USP4: variants seen among roughly 807,000 people sequenced by gnomAD.
USP4 encodes the protein ubiquitin specific peptidase 4.
USP4 carries 72 observed loss-of-function variants against 118.2 expected under a neutral mutation model. The ratio of observed to expected loss-of-function variants is 0.61; its 90% CI spans 0.50 to 0.74. The LOEUF (loss-of-function observed/expected upper bound fraction) is 0.74, where lower values mean the gene tolerates loss of function less well. Among genes scored for constraint, USP4 ranks in the 30% least tolerant of loss-of-function variants. The pLI is 0.00. For missense variants in USP4, 1,037 were observed against 1,185.7 expected (o/e 0.87, Z 1.84); for synonymous variants, 415 against 440.4 (o/e 0.94, Z 0.72).
chr3:49,304,576 G>T (rs1339642044), intron 9 of USP4, among the ~76,000 whole-genome samples: 2 of 152,106 alleles, frequency 1.3e-5, no homozygotes, highest in South Asian at 4.1e-4. Flanking sequence ...GCCTTCAGAT[G>T]ATACTAGAAA....
intron 16 of USP4, among the ~76,000 whole-genome samples, chr3:49,285,808 T>G (rs1212885567): frequency 1.3e-5 from 2 of 152,226 alleles, no homozygotes; most frequent in East Asian, 3.8e-4. Context: ...GAAATGTTGC[T>G]GCCAAGGGTG....
intron 1 of USP4, among the ~76,000 whole-genome samples, chr3:49,337,033 C>T (rs2047674852): frequency 6.6e-6 from 1 of 151,938 alleles, no homozygotes; most frequent in African/African-American, 2.4e-5. Context: ...ACCTGTAATC[C>T]CAGCACTTTG....
chr3:49,332,299 CAT>C (rs1559481747), intron 2 of USP4, among the ~76,000 whole-genome samples: 1 of 151,738 alleles, frequency 6.6e-6, no homozygotes, highest in Non-Finnish European at 1.5e-5. Flanking sequence ...AACAAACAAA[CAT>C]ATAAAAATCA....
intron 15 of USP4, 36 bp downstream of exon 15, chr3:49,292,474 G>T: frequency 7.5e-7 from 1 of 1,341,634 alleles, no homozygotes; most frequent in South Asian, 1.4e-5. Context: ...GGAGGTATTT[G>T]GTCAGTCACA....
At position 49,311,601 on chromosome 3, in the gene USP4, C is replaced by G. The variant is rs753458871; in HGVS notation, c.749G>C (p.Ser250Thr). The G allele has an allele frequency of 1.1e-5, 18 of 1,613,902 alleles. No individual in the cohort carries two copies. The East Asian group carries it at 2.5e-4, about 22-fold the overall frequency. ...NFTTSPKSSA[S>T]PYSSVSASLI... ...AGAGGCAGACACTGAGGAATAGGGA[C>G]TTGCTGATGATTTTGGAGAGGTAGT... The change falls in exon 7 of 22, where the codon AGT becomes ACT. Residue 250 changes from serine to threonine, a missense_variant. Coordinates refer to ENST00000265560, the MANE Select transcript of USP4 (RefSeq NM_003363.4).
intron 8 of USP4, among the ~76,000 whole-genome samples, chr3:49,306,981 T>C (rs1292312191): frequency 1.3e-5 from 2 of 151,500 alleles, no homozygotes; most frequent in African/African-American, 4.8e-5. Context: ...ATGGGGTTTC[T>C]CCATGTTGGT....
At chr3:49,284,802 A>G in intron 17 of USP4, 47 bp downstream of exon 17, 1 of 1,558,812 alleles carries the variant, frequency 6.4e-7, no homozygotes, top group Non-Finnish European at 8.8e-7. Context: ...CCACATCCAG[A>G]GCAGAAACCA....
intron 13 of USP4, 116 bp from the exon 14 acceptor site, chr3:49,294,714 G>C: frequency 1.0e-6 from 1 of 994,064 alleles, no homozygotes; most frequent in South Asian, 1.7e-5. Context: ...GCATATTTGA[G>C]TAGAAAAGGT....
chr3:49,277,823 T>A lies in USP4; in HGVS notation c.*470A>T, dbSNP rs899282852. On this transcript the variant is annotated 3_prime_UTR_variant, in exon 22 of 22. Transcript: ENST00000265560. Reference sequence around the variant, plus strand: ...TCAGAAAATTATAAACCCATATCAGTGCACATAGCGAGGGAAAGGGGAGTT... The same window carrying A: ...TCAGAAAATTATAAACCCATATCAGAGCACATAGCGAGGGAAAGGGGAGTT... The A allele has an allele frequency of 7.7e-6, 2 of 259,878 alleles. No homozygotes were observed. Among genetic ancestry groups the A allele is most frequent in the Non-Finnish European group, 1.4e-5 (2 of 139,140 alleles). The allele number at this position is 259,878 out of a possible 1,614,324, so 16.1% of individuals were successfully genotyped here.
intron 1 of USP4, among the ~76,000 whole-genome samples, chr3:49,339,387 G>C (rs2047710480): frequency 6.6e-6 from 1 of 152,144 alleles, no homozygotes; most frequent in African/African-American, 2.4e-5. Context: ...CCCACTCCAA[G>C]ACACTGCTGC....
chr3:49,328,391 T>C (rs977336747), intron 2 of USP4, among the ~76,000 whole-genome samples: 4 of 151,884 alleles, frequency 2.6e-5, no homozygotes, highest in Non-Finnish European at 5.9e-5. Flanking sequence ...GTGGTTATGG[T>C]TTCCCACCAT....
chr3:49,338,662 C>CAAAAAAAAA (rs1184984948), intron 1 of USP4, among the ~76,000 whole-genome samples: 1 of 52,880 alleles, frequency 1.9e-5, no homozygotes, highest in African/African-American at 5.7e-5. Flanking sequence ...AATTCCTTCT[C>CAAAAAAAAA]AAAAAAAAAA....
In USP4 at chr3:49,327,186, C is replaced by G. The variant is rs1317996952; in HGVS notation, c.360+500G>C. Among the ~76,000 whole-genome samples, 4 of 152,162 alleles carry G rather than the reference C, an allele frequency of 2.6e-5. No individual in the cohort carries two copies. The East Asian group carries it at 7.7e-4, about 29-fold the overall frequency. On this transcript the variant is annotated intron_variant, in intron 3 of 21. Transcript: ENST00000265560. The stretch of plus-strand genomic sequence containing the variant: ...ACTGGGCAGCTCTGATGTTTAGAGG[C>G]CACTCATGATAATATTCTGGGTGAG...
At chr3:49,311,092 T>G (rs548121141) in intron 7 of USP4, among the ~76,000 whole-genome samples, 1 of 152,308 alleles carries the variant, frequency 6.6e-6, no homozygotes, top group East Asian at 1.9e-4. Flanking sequence ...TGAAAGTTCA[T>G]GCACACTTCC....
chr3:49,308,870 A>C (rs1247670282), intron 8 of USP4, among the ~76,000 whole-genome samples: 7 of 151,592 alleles, frequency 4.6e-5, no homozygotes, highest in African/African-American at 1.7e-4. Context: ...TGTCTCTACT[A>C]AAAATACAAA....
At chr3:49,336,163 CTCT>C (rs1171658501) in intron 1 of USP4, among the ~76,000 whole-genome samples, 2 of 100,206 alleles carry the variant, frequency 2.0e-5, no homozygotes, top group Admixed American at 2.5e-4. Flanking sequence ...TGCACCTGGC[CTCT>C]TTTTTTTTTT....
intron 10 of USP4, among the ~76,000 whole-genome samples, chr3:49,302,063 G>A (rs2047267767): frequency 6.6e-6 from 1 of 151,880 alleles, no homozygotes; most frequent in East Asian, 1.9e-4. Context: ...AGCCTTAGGA[G>A]TAACTAGGGT....
chr3:49,286,248 C>T lies in USP4; in HGVS notation c.2050G>A (p.Glu684Lys), dbSNP rs773377532. The stretch of plus-strand genomic sequence containing the variant: ...GTCTCACTGGGGTCATTTCCTGGCT[C>T]ATCTTCCCCACTGCCTTCTGTTTCT... ...LSETEGSGED[E>K]PGNDPSETTQ... The change falls in exon 16 of 22, where the codon GAG (glutamate) becomes AAG (lysine). Residue 684 changes from glutamate to lysine, a missense_variant. Physicochemically the swap from Glu to Lys is moderately conservative, Grantham distance 56. This residue lies in a region of USP4 where 522 missense variants were observed against 592.6 expected (regional missense o/e 0.88). Coordinates refer to ENST00000265560, the MANE Select transcript of USP4 (RefSeq NM_003363.4). 5 of 1,614,158 alleles carry T rather than the reference C, an allele frequency of 3.1e-6. No homozygotes were observed. The highest frequency in any genetic ancestry group is 2.2e-5 in the South Asian group (2 of 91,082).
At chr3:49,280,200 T>A (rs2047003717) in intron 20 of USP4, among the ~76,000 whole-genome samples, 1 of 150,558 alleles carries the variant, frequency 6.6e-6, no homozygotes, top group South Asian at 2.1e-4. Flanking sequence ...GAGGTGGAGG[T>A]TGCAAGTGAG....
Sources: gnomAD v4.1 joint callset for allele counts (sites outside exome capture counted in the v4.1 genomes callset) on GRCh38, gnomAD v4.1.1 for gene constraint, gnomAD v4.1.1 regional missense constraint, MANE v1.5 for transcripts, NCBI Gene and HGNC (gene_info 2026-07-23, HGNC 2026-07-21) for gene names.